The following KAZALD1 variants were observed in gnomAD, a reference collection of about 807,000 sequenced individuals.
KAZALD1 encodes the protein kazal-type serine protease inhibitor domain-containing protein 1.
KAZALD1 carries 31 observed loss-of-function variants against 27.7 expected under a neutral mutation model. The ratio of observed to expected loss-of-function variants is 1.12; its 90% CI spans 0.84 to 1.51. The LOEUF is 1.51. Among genes scored for constraint, KAZALD1 ranks in the 40% most tolerant of loss-of-function variants. The pLI is 0.00. For synonymous variants in KAZALD1, 179 were observed against 182.0 expected (o/e 0.98, Z 0.13); for missense variants, 444 against 408.9 (o/e 1.09, Z -0.74).
chr10:101,062,761 C>A lies in KAZALD1; in HGVS notation c.169C>A (p.Arg57=). 6.5e-7 allele frequency: 1 copy of A among 1,539,498 alleles called. No individual in the cohort carries two copies. The highest frequency in any genetic ancestry group is 8.7e-7 in the Non-Finnish European group (1 of 1,153,692). The change falls in exon 2 of 5, where the codon CGG becomes AGG. Residue 57 remains arginine, a synonymous_variant. Transcript: ENST00000370200. ...GGAGGGCGAGGGCTGCGCTCCCTGC[C>A]GGCCAGAAGAGTGCGCCGCGCCGCG... ...LAEGEGCAPC[R]PEECAAPRGC...
rs772941327 is a variant in KAZALD1 at position 101,062,546 on chromosome 10, C to T, written c.-47C>T. The T allele has an allele frequency of 1.9e-6, 3 of 1,555,724 alleles. No homozygotes were observed. In the South Asian group the frequency reaches 3.5e-5, roughly 18 times the overall value. ...CCTGGCTTCCCTTCCTGGCAGGGTGCCCGAACGCGCTGATGCCCCGAGTGC... is the reference window on the plus strand; with the variant it reads ...CCTGGCTTCCCTTCCTGGCAGGGTGTCCGAACGCGCTGATGCCCCGAGTGC... On this transcript the variant is annotated 5_prime_UTR_variant, in exon 2 of 5. Transcript: ENST00000370200.
chr10:101,068,104 A>G (rs1939372855), downstream of KAZALD1: 1 of 433,726 alleles, frequency 2.3e-6, no homozygotes, highest in Admixed American at 2.8e-5. Flanking sequence ...TTGACTGGAA[A>G]AATCTGAATA....
Position 101,064,868 on chromosome 10 carries a change from A to G in KAZALD1, c.863A>G (p.Asn288Ser), listed in dbSNP as rs1353926489. Residue 288 changes from asparagine to serine, a missense_variant, in exon 5 of 5, where the codon AAC (asparagine) becomes AGC (serine). Asn to Ser is a conservative substitution (Grantham distance 46). Transcript: ENST00000370200. ...STGIPQLRSL[N>S]LVPEEEAESE... ...GGCATCCCCCAGCTGCGATCACTAA[A>G]CCTGGTTCCTGAGGAGGAGGCTGAG... The G allele has an allele frequency of 1.9e-6, 3 of 1,614,102 alleles. No homozygotes were observed.
chr10:101,064,776 C>T (rs775642418), intron 4 of KAZALD1, 50 bp from the exon 5 acceptor site: 47 of 1,598,284 alleles, frequency 2.9e-5, no homozygotes, highest in Non-Finnish European at 3.7e-5. Flanking sequence ...ATGTGGGCAC[C>T]GACAGCCCCT....
At chr10:101,068,048 T>G (rs1250438984), downstream of KAZALD1, 1 of 471,308 alleles carries the variant, frequency 2.1e-6, no homozygotes, top group Admixed American at 2.3e-5. Context: ...TGGATCCTTC[T>G]GGTAGTGACA....
rs1232317716 is a variant in KAZALD1, at chr10:101,062,876, G to A, written c.284G>A (p.Ser95Asn). Reference protein sequence around the residue: ...LEGQLCDLDPSAHFYGHCGEQ... With the variant: ...LEGQLCDLDPNAHFYGHCGEQ... ...GGCCAGCTCTGCGACCTGGACCCCA[G>A]TGCTCACTTCTACGGGCACTGCGGC... The change falls in exon 2 of 5, where the codon AGT becomes AAT. Residue 95 changes from serine to asparagine, a missense_variant. Coordinates refer to ENST00000370200, the MANE Select transcript of KAZALD1 (RefSeq NM_030929.5). The A allele has an allele frequency of 1.6e-5, 26 of 1,602,870 alleles. No individual in the cohort carries two copies. In the Admixed American group the frequency reaches 4.3e-4, roughly 27 times the overall value.
chr10:101,064,618 GC>G lies in KAZALD1; in HGVS notation c.794del (p.Pro265LeufsTer4), dbSNP rs761873608. On this transcript the variant is annotated frameshift_variant, in exon 4 of 5. Transcript: ENST00000370200. LOFTEE classifies it high-confidence loss of function. ...CCGCAATGCCCTGGGTCAAGTGGAG[GC>G]CCCTGCTAGCTTGACAGTGCTCACA... ...LGRNALGQVE[A>X]PASLTVLTPD... 5 of 1,613,634 alleles carry G rather than the reference GC, an allele frequency of 3.1e-6. No homozygotes were observed. The African/African-American group carries it at 5.3e-5, about 17-fold the overall frequency.
rs772049782 is a variant in KAZALD1, at chr10:101,064,533, T to C, written c.705T>C (p.Thr235=). ...FRGGPQRFEV[T]GWLQIQAVRP... ...GTGGACCCCAGAGGTTTGAGGTGAC[T>C]GGCTGGCTGCAGATCCAGGCTGTGC... The change falls in exon 4 of 5, where the codon ACT becomes ACC. Residue 235 remains threonine (T), a synonymous_variant. Coordinates refer to ENST00000370200, the MANE Select transcript of KAZALD1 (RefSeq NM_030929.5). The C allele has an allele frequency of 1.9e-6, 3 of 1,613,728 alleles. No homozygotes were observed. In the South Asian group the frequency reaches 3.3e-5, roughly 18 times the overall value.
Position 101,062,997 on chromosome 10 carries a change from C to T in KAZALD1, c.405C>T (p.Cys135=). The change falls in exon 2 of 5, where the codon TGC becomes TGT. Residue 135 remains cysteine (C), a synonymous_variant. Coordinates refer to ENST00000370200, the MANE Select transcript of KAZALD1 (RefSeq NM_030929.5). ...CCTGTCGTTCGCAGAGTCCGCTCTG[C>T]GGGTCCGACGGTCACACCTACTCCC... ...LCACRSQSPL[C]GSDGHTYSQI... 2 of 1,600,410 alleles carry T rather than the reference C, an allele frequency of 1.2e-6. No individual in the cohort carries two copies. The highest frequency in any genetic ancestry group is 1.7e-4 in the Middle Eastern group (1 of 6,054).
At chr10:101,067,136 GGGGAGGGGGA>G (rs1258475871), downstream of KAZALD1, 21 of 376,438 alleles carry the variant, frequency 5.6e-5, no homozygotes, top group South Asian at 1.7e-4. Context: ...GGGGAAGGCA[GGGGAGGGGGA>G]GGGAGGGGGA....
At chr10:101,067,217 T>C (rs1439691591), downstream of KAZALD1, 4 of 455,386 alleles carry the variant, frequency 8.8e-6, no homozygotes, top group African/African-American at 4.0e-5. Context: ...GCCCACGGGC[T>C]TCCAAGCCAT....
chr10:101,062,606 CGCGGCCCGCAGCT>C lies in KAZALD1; in HGVS notation c.17_29del (p.Arg6ProfsTer14), dbSNP rs763873241. ...TTCCCGCTAACCATGCTGCCGCCGC[CGCGGCCCGCAGCT>C]GCCTTGGCGCTGCCTGTGCTCCTGC... is the stretch of plus-strand genomic sequence containing the variant. On this transcript the variant is annotated frameshift_variant, in exon 2 of 5. Transcript: ENST00000370200. LOFTEE classifies it high-confidence loss of function. 201 of 1,583,314 alleles carry C rather than the reference CGCGGCCCGCAGCT, an allele frequency of 1.3e-4. No homozygotes were observed. Among genetic ancestry groups the C allele is most frequent in the Non-Finnish European group, 1.6e-4 (187 of 1,173,866 alleles).
At chr10:101,067,923 C>T (rs780414760), downstream of KAZALD1, 3 of 471,478 alleles carry the variant, frequency 6.4e-6, no homozygotes, top group South Asian at 4.6e-5. Context: ...CGGGCGGTGG[C>T]GTGCGGGGAA....
At chr10:101,064,724 A>G (rs1939272886) in intron 4 of KAZALD1, 76 bp downstream of exon 4, 2 of 1,598,664 alleles carry the variant, frequency 1.3e-6, no homozygotes, top group Non-Finnish European at 1.7e-6. Context: ...GAAACAGACC[A>G]TGTGTCTGTA....
chr10:101,064,141 C>T, intron 2 of KAZALD1, 120 bp from the exon 3 acceptor site: 1 of 984,298 alleles, frequency 1.0e-6, no homozygotes, highest in Non-Finnish European at 1.5e-6. Context: ...GTGTATTTAC[C>T]TCAGCATATA....
Position 101,065,525 on chromosome 10 carries a change from A to G in KAZALD1, c.*605A>G, listed in dbSNP as rs1939298849. The G allele has an allele frequency of 6.4e-6, 1 of 157,020 alleles. No individual in the cohort carries two copies. Among genetic ancestry groups the G allele is most frequent in the African/African-American group, 2.4e-5 (1 of 41,480 alleles). 9.7% of individuals were successfully genotyped at this position (157,020 alleles called of 1,614,324 possible). ...AGGTGAGGCCAGCTCGAGATCTTAT[A>G]CCACTCTGTATTGGACAAAGGCTAG... On this transcript the variant is annotated 3_prime_UTR_variant, in exon 5 of 5. Transcript: ENST00000370200.
Position 101,065,568 on chromosome 10 carries a change from A to G in KAZALD1, c.*648A>G, listed in dbSNP as rs990947704. ...AAGGCTAGCACAGGGCTAGGCACCA[A>G]TAAAGATTTCTAATGATGCACAGAC... On this transcript the variant is annotated 3_prime_UTR_variant, in exon 5 of 5. Transcript: ENST00000370200. 1 of 153,030 alleles carries G rather than the reference A, an allele frequency of 6.5e-6. No homozygotes were observed. Among genetic ancestry groups the G allele is most frequent in the Non-Finnish European group, 1.5e-5 (1 of 68,688 alleles). 9.5% of individuals were successfully genotyped at this position (153,030 alleles called of 1,614,324 possible). A position where few individuals can be genotyped will look rare whatever the true frequency, so the allele number is the denominator to read the frequency against.
rs551673174 is a variant in KAZALD1, at chr10:101,065,697, T to G, written c.*777T>G. ...CTGCAGGGCCTGCTCTCTAAGCACATGCCTGCCAGATGTACAAAGAGAAAG... is the reference window on the plus strand; with the variant it reads ...CTGCAGGGCCTGCTCTCTAAGCACAGGCCTGCCAGATGTACAAAGAGAAAG... On this transcript the variant is annotated 3_prime_UTR_variant, in exon 5 of 5. Transcript: ENST00000370200. The G allele has an allele frequency of 1.3e-5, 2 of 152,276 alleles. No homozygotes were observed. Among genetic ancestry groups the G allele is most frequent in the South Asian group, 4.1e-4 (2 of 4,834 alleles). The allele number at this position is 152,276 out of a possible 1,614,324, so 9.4% of individuals were successfully genotyped here.
Position 101,066,538 on chromosome 10 carries a change from GAATCA to G in KAZALD1, c.*1619_*1623del. 2.2e-6 allele frequency: 1 copy of G among 448,898 alleles called. No homozygotes were observed. Among genetic ancestry groups the G allele is most frequent in the Non-Finnish European group, 4.5e-6 (1 of 221,020 alleles). 27.8% of individuals were successfully genotyped at this position (448,898 alleles called of 1,614,324 possible). A position where few individuals can be genotyped will look rare whatever the true frequency, so the allele number is the denominator to read the frequency against. Reference sequence around the variant, plus strand: ...CGATTCCAGGGCGCCCACAGAAGCAGAATCAGAGGGGTAGGCGGGGGTGGGGCGTG... The same window carrying G: ...CGATTCCAGGGCGCCCACAGAAGCAGGAGGGGTAGGCGGGGGTGGGGCGTG... On this transcript the variant is annotated 3_prime_UTR_variant, in exon 5 of 5. Coordinates refer to ENST00000370200, the MANE Select transcript of KAZALD1 (RefSeq NM_030929.5).
Sources: gnomAD v4.1 joint callset for allele counts on GRCh38, gnomAD v4.1.1 for gene constraint, MANE v1.5 for transcripts, NCBI Gene and HGNC (gene_info 2026-07-23, HGNC 2026-07-21) for gene names.